The following NOS1AP variants were observed in gnomAD, a reference collection of about 807,000 sequenced individuals.
NOS1AP encodes carboxyl-terminal PDZ ligand of neuronal nitric oxide synthase protein.
NOS1AP carries 21 observed loss-of-function variants against 56.2 expected under a neutral mutation model. That is an observed-to-expected ratio of 0.37 (90% CI 0.26 to 0.54). The LOEUF (loss-of-function observed/expected upper bound fraction) is 0.54, where lower values mean the gene tolerates loss of function less well. Ranked by LOEUF, NOS1AP falls within the 20% of genes least tolerant of loss-of-function variation. The pLI is 0.84. For synonymous variants in NOS1AP, 270 were observed against 274.6 expected, an observed-to-expected ratio of 0.98 and a Z score of 0.17; for missense variants, 522 against 657.8, an observed-to-expected ratio of 0.79 and a Z score of 2.26.
intron 3 of NOS1AP, among the ~76,000 whole-genome samples, chr1:162,294,606 CTT>C (rs1169030958): frequency 6.6e-6 from 1 of 152,094 alleles, no homozygotes; most frequent in Non-Finnish European, 1.5e-5. Flanking sequence ...ATCTCGCTGA[CTT>C]TTAAAAATAC....
chr1:162,175,324 CATTT>C (rs1256259621), intron 2 of NOS1AP, among the ~76,000 whole-genome samples: 2 of 152,140 alleles, frequency 1.3e-5, no homozygotes, highest in African/African-American at 4.8e-5. Flanking sequence ...TTTATTCAGT[CATTT>C]ATTTATTTTT....
chr1:162,161,697 G>A (rs1025429650), intron 2 of NOS1AP, among the ~76,000 whole-genome samples: 1 of 152,084 alleles, frequency 6.6e-6, no homozygotes, highest in African/African-American at 2.4e-5. Flanking sequence ...GGTTCAGGTG[G>A]CCCTCCTAGT....
At chr1:162,233,313 T>C (rs1197295540) in intron 2 of NOS1AP, among the ~76,000 whole-genome samples, 1 of 152,204 alleles carries the variant, frequency 6.6e-6, no homozygotes, top group Non-Finnish European at 1.5e-5. Flanking sequence ...CCTGTGGCTC[T>C]TGCATGGTGG....
intron 1 of NOS1AP, among the ~76,000 whole-genome samples, chr1:162,147,835 G>T (rs1422969566): frequency 1.3e-5 from 2 of 152,060 alleles, no homozygotes; most frequent in Non-Finnish European, 2.9e-5. Flanking sequence ...GTAGGCCCTG[G>T]TATTTTTAAA....
intron 2 of NOS1AP, among the ~76,000 whole-genome samples, chr1:162,252,329 G>A (rs1346828531): frequency 6.6e-6 from 1 of 152,184 alleles, no homozygotes; most frequent in Non-Finnish European, 1.5e-5. Context: ...GGGATTATAG[G>A]CATGAACCAC....
intron 2 of NOS1AP, among the ~76,000 whole-genome samples, chr1:162,182,287 G>T (rs1055592455): frequency 1.3e-5 from 2 of 152,172 alleles, no homozygotes; most frequent in Non-Finnish European, 2.9e-5. Context: ...CTGTCAAGTT[G>T]GTACAGGCAT....
chr1:162,304,817 G>T (rs1418645641), intron 4 of NOS1AP, among the ~76,000 whole-genome samples: 1 of 140,782 alleles, frequency 7.1e-6, no homozygotes, highest in Non-Finnish European at 1.6e-5. Context: ...TGTGTATGAG[G>T]ACTTTTTTCT....
At chr1:162,158,383 C>A (rs968974111) in intron 2 of NOS1AP, among the ~76,000 whole-genome samples, 1 of 152,090 alleles carries the variant, frequency 6.6e-6, no homozygotes, top group Non-Finnish European at 1.5e-5. Context: ...TAAAACAATC[C>A]ATTCATTTAA....
intron 2 of NOS1AP, among the ~76,000 whole-genome samples, chr1:162,200,265 G>A (rs547794034): frequency 6.6e-5 from 10 of 152,322 alleles, no homozygotes; most frequent in Middle Eastern, 6.8e-3. Context: ...TTTCACTCCT[G>A]TGGTTTTTCT....
chr1:162,167,839 T>C lies in NOS1AP; in HGVS notation c.177+13363T>C, dbSNP rs563896232. On this transcript the variant is annotated intron_variant, in intron 2 of 9. Coordinates refer to ENST00000361897, the MANE Select transcript of NOS1AP (RefSeq NM_014697.3). ...GACAGTTTGAATTGCTCCGGGCATATGTTACTTGTTAATATTTTAAAATTT... is the reference window on the plus strand; with the variant it reads ...GACAGTTTGAATTGCTCCGGGCATACGTTACTTGTTAATATTTTAAAATTT... Among the ~76,000 whole-genome samples the C allele has an allele frequency of 8.5e-5, 13 of 152,374 alleles. No individual in the cohort carries two copies. In the South Asian group the frequency reaches 2.7e-3, roughly 32 times the overall value.
chr1:162,081,761 T>TAG (rs1570993911), intron 1 of NOS1AP, among the ~76,000 whole-genome samples: 15 of 23,480 alleles, frequency 6.4e-4, no homozygotes, highest in East Asian at 3.8e-3. Context: ...TATAGATATA[T>TAG]ATATATATAT....
intron 2 of NOS1AP, among the ~76,000 whole-genome samples, chr1:162,224,591 A>G (rs1652882901): frequency 6.6e-6 from 1 of 152,220 alleles, no homozygotes; most frequent in Non-Finnish European, 1.5e-5. Context: ...TAAGAGCAAT[A>G]TCTCTTCTGA....
chr1:162,352,263 T>C (rs1657534063), intron 6 of NOS1AP, among the ~76,000 whole-genome samples: 1 of 152,118 alleles, frequency 6.6e-6, no homozygotes, highest in African/African-American at 2.4e-5. Context: ...TTCACCATGT[T>C]GGCCAGGCTT....
chr1:162,080,969 CA>C (rs1187457780), intron 1 of NOS1AP, among the ~76,000 whole-genome samples: 2 of 152,148 alleles, frequency 1.3e-5, no homozygotes. Context: ...GTAACTTGCT[CA>C]TGGTCTACAT....
At chr1:162,263,610 T>C (rs768732350) in intron 2 of NOS1AP, among the ~76,000 whole-genome samples, 4 of 152,138 alleles carry the variant, frequency 2.6e-5, no homozygotes, top group Non-Finnish European at 5.9e-5. Flanking sequence ...ATATTGGCAT[T>C]CTCTCTTTCC....
At position 162,289,464 on chromosome 1, in the gene NOS1AP, CTTTTCTT is replaced by C. The variant is rs1225256637; in HGVS notation, c.270+2033_270+2039del. On this transcript the variant is annotated intron_variant, in intron 3 of 9. Coordinates refer to ENST00000361897, the MANE Select transcript of NOS1AP (RefSeq NM_014697.3). The stretch of plus-strand genomic sequence containing the variant: ...TGGCGCCTGCCACCACGCCCAGCTA[CTTTTCTT>C]TTTTTTTTTTTTTTTTTTTTTGAGA... Among the ~76,000 whole-genome samples the C allele has an allele frequency of 2.7e-4, 12 of 45,052 alleles. 1 individual carries two copies. Among genetic ancestry groups the C allele is most frequent in the East Asian group, 8.8e-4 (1 of 1,132 alleles). The allele number at this position is 45,052 out of a possible 152,430, so 29.6% of individuals were successfully genotyped here.
chr1:162,270,886 C>T (rs985343249), intron 2 of NOS1AP, among the ~76,000 whole-genome samples: 1 of 152,200 alleles, frequency 6.6e-6, no homozygotes, highest in Non-Finnish European at 1.5e-5. Context: ...GACCTCTCAG[C>T]CCTAGAGTGG....
intron 1 of NOS1AP, among the ~76,000 whole-genome samples, chr1:162,111,048 A>G (rs1476557821): frequency 6.6e-6 from 1 of 152,208 alleles, no homozygotes; most frequent in East Asian, 1.9e-4. Flanking sequence ...CCTTGTCCTT[A>G]TACAACTTAC....
intron 1 of NOS1AP, among the ~76,000 whole-genome samples, chr1:162,142,961 G>A (rs1160903948): frequency 6.6e-6 from 1 of 152,190 alleles, no homozygotes; most frequent in Non-Finnish European, 1.5e-5. Context: ...TTACTCATTT[G>A]TGGGGTTTCA....
Sources: allele counts gnomAD v4.1 joint callset (sites outside exome capture counted in the v4.1 genomes callset), GRCh38; gene constraint gnomAD v4.1.1; transcripts MANE v1.5; gene names NCBI Gene and HGNC (gene_info 2026-07-23, HGNC 2026-07-21).